DLEC1: variants seen among roughly 807,000 people sequenced by gnomAD.
The protein encoded by DLEC1 is deleted in lung and esophageal cancer protein 1.
A neutral mutation model predicts 198.1 loss-of-function variants in DLEC1; 146 were observed. The observed-to-expected ratio is 0.74, with a 90% CI of 0.64 to 0.85. DLEC1 has a LOEUF of 0.85. Among genes scored for constraint, DLEC1 ranks in the 40% least tolerant of loss-of-function variants. The pLI is 0.00. For synonymous variants in DLEC1, 897 were observed against 866.8 expected (o/e 1.03, Z -0.61); for missense variants, 2,233 against 2,220.0 (o/e 1.01, Z -0.12).
intron 6 of DLEC1, among the ~76,000 whole-genome samples, chr3:38,081,469 A>T (rs1575162956): frequency 1.4e-5 from 1 of 72,328 alleles, no homozygotes; most frequent in Non-Finnish European, 2.6e-5. Context: ...TCCCTCCCGG[A>T]CGGGGCGGCT....
chr3:38,117,524 C>G lies in DLEC1; in HGVS notation c.4401-3C>G. The G allele has an allele frequency of 6.2e-7, 1 of 1,614,182 alleles. No individual in the cohort carries two copies. The highest frequency in any genetic ancestry group is 8.5e-7 in the Non-Finnish European group (1 of 1,179,992). On this transcript the variant is annotated splice_region_variant and splice_polypyrimidine_tract_variant and intron_variant, in intron 31 of 36. Transcript: ENST00000308059. ...TGCCCCAACAATGCCTATTGCTGGG[C>G]AGGCTAAGTGTGGAGCTGGACTACG...
intron 7 of DLEC1, among the ~76,000 whole-genome samples, chr3:38,084,480 GTAGTAGT>G: frequency 7.3e-6 from 1 of 137,432 alleles, no homozygotes; most frequent in African/African-American, 2.9e-5. Flanking sequence ...GGTGGTGGTG[GTAGTAGT>G]GGTGGTAGTA....
chr3:38,088,469 C>A, intron 10 of DLEC1, 81 bp downstream of exon 10: 1 of 1,327,046 alleles, frequency 7.5e-7, no homozygotes, highest in Non-Finnish European at 1.1e-6. Flanking sequence ...CTCAAGTGTC[C>A]AGTCCCATCC....
chr3:38,060,918 C>T (rs1287030809), intron 3 of DLEC1, among the ~76,000 whole-genome samples: 1 of 152,124 alleles, frequency 6.6e-6, no homozygotes, highest in African/African-American at 2.4e-5. Context: ...CTCCTGACCT[C>T]AGGTGATCCA....
Position 38,117,241 on chromosome 3 carries a change from C to T in DLEC1, c.4339C>T (p.Leu1447=). 1.2e-6 allele frequency: 2 copies of T among 1,614,182 alleles called. No homozygotes were observed. Among genetic ancestry groups the T allele is most frequent in the African/African-American group, 2.7e-5 (2 of 75,058 alleles). ...EREIPGKRHR[L]QDFAVGPLKL... is the part of the protein sequence containing the mutation. ...GGAGATTCCAGGGAAGAGGCATCGC[C>T]TGCAGGACTTTGCGGTGGGACCCCT... The change falls in exon 31 of 37, where the codon CTG becomes TTG. Residue 1447 remains leucine (L), a synonymous_variant. Coordinates refer to ENST00000308059, the MANE Select transcript of DLEC1 (RefSeq NM_007335.4).
chr3:38,090,222 T>C (rs1056863430), intron 10 of DLEC1, among the ~76,000 whole-genome samples: 2 of 152,058 alleles, frequency 1.3e-5, no homozygotes, highest in African/African-American at 2.4e-5. Context: ...AAATAAAACA[T>C]TCAAAAGATG....
chr3:38,108,614 G>A, intron 21 of DLEC1, 99 bp downstream of exon 21: 2 of 893,606 alleles, frequency 2.2e-6, no homozygotes, highest in South Asian at 1.5e-5. Context: ...CCACATTGCT[G>A]GTTCTTGTGG....
intron 9 of DLEC1, among the ~76,000 whole-genome samples, chr3:38,086,830 T>G (rs1294290746): frequency 6.6e-6 from 1 of 152,134 alleles, no homozygotes; most frequent in African/African-American, 2.4e-5. Flanking sequence ...ATCCCAGCAC[T>G]TTGGGAGGCT....
At chr3:38,082,202 G>A (rs1043395284) in intron 6 of DLEC1, among the ~76,000 whole-genome samples, 1 of 143,930 alleles carries the variant, frequency 6.9e-6, no homozygotes, top group Non-Finnish European at 1.5e-5. Flanking sequence ...ACGATGGGCG[G>A]CCGGGCAGAG....
At chr3:38,068,746 GAGA>G (rs1236933900) in intron 6 of DLEC1, among the ~76,000 whole-genome samples, 31 of 152,214 alleles carry the variant, frequency 2.0e-4, no homozygotes, top group Non-Finnish European at 2.9e-5. Context: ...TAGGGTGGTG[GAGA>G]AGGATTGAAT....
At chr3:38,084,545 A>AGTGGTGGTG (rs1392040270) in intron 7 of DLEC1, among the ~76,000 whole-genome samples, 2 of 39,422 alleles carry the variant, frequency 5.1e-5, no homozygotes, top group African/African-American at 1.7e-4. Flanking sequence ...TGGTGGTAGT[A>AGTGGTGGTG]GTAGTGGTAG....
intron 12 of DLEC1, among the ~76,000 whole-genome samples, 190 bp from the exon 13 acceptor site, chr3:38,094,689 C>T (rs1394254932): frequency 6.6e-6 from 1 of 152,194 alleles, no homozygotes; most frequent in Non-Finnish European, 1.5e-5. Context: ...CTGTCTTAGA[C>T]TCCCTCGCCC....
intron 2 of DLEC1, among the ~76,000 whole-genome samples, chr3:38,053,092 C>T (rs1307228383): frequency 6.6e-6 from 1 of 152,258 alleles, no homozygotes; most frequent in African/African-American, 2.4e-5. Flanking sequence ...TCACTCAGTG[C>T]TCAATGTTGC....
chr3:38,097,713 G>T, intron 17 of DLEC1, 31 bp from the exon 18 acceptor site: 1 of 1,613,414 alleles, frequency 6.2e-7, no homozygotes, highest in Non-Finnish European at 8.5e-7. Flanking sequence ...ATCCCCAGGT[G>T]GCCCAGTGAC....
rs1559390443 is a variant in DLEC1 at position 38,045,594 on chromosome 3, CAT to C, written c.466_467del (p.Ile156HisfsTer12). The C allele has an allele frequency of 6.2e-7, 1 of 1,614,110 alleles. No homozygotes were observed. Among genetic ancestry groups the C allele is most frequent in the Non-Finnish European group, 8.5e-7 (1 of 1,180,002 alleles). On this transcript the variant is annotated frameshift_variant, in exon 2 of 37. Coordinates refer to ENST00000308059, the MANE Select transcript of DLEC1 (RefSeq NM_007335.4). LOFTEE classifies it high-confidence loss of function. The part of the protein sequence containing the change: ...RLDEFEMLER[H>X]ITQAQARAIA... ...GGATGAGTTTGAAATGTTGGAGAGA[CAT>C]ATCACTCAGGCCCAAGCACGGGCTA...
Position 38,117,006 on chromosome 3 carries a change from A to G in DLEC1, c.4211A>G (p.Tyr1404Cys). 6.2e-7 allele frequency: 1 copy of G among 1,613,984 alleles called. No homozygotes were observed. The highest frequency in any genetic ancestry group is 8.5e-7 in the Non-Finnish European group (1 of 1,179,954). Residue 1404 changes from tyrosine to cysteine, a missense_variant, in exon 30 of 37, where the codon TAC (tyrosine) becomes TGC (cysteine). Transcript: ENST00000308059. ...CCTGCTGGGGGCAGCAGTACCATCT[A>G]CATCTCCTTCACCCCTATGGTGCTC... Reference protein sequence around the residue: ...VVPAGGSSTIYISFTPMVLSP... With the variant: ...VVPAGGSSTICISFTPMVLSP...
intron 5 of DLEC1, among the ~76,000 whole-genome samples, 184 bp downstream of exon 5, chr3:38,062,985 G>A (rs1216190910): frequency 6.6e-6 from 1 of 152,140 alleles, no homozygotes; most frequent in African/African-American, 2.4e-5. Context: ...AGAGTCCTGG[G>A]TTTATGCTTT....
At chr3:38,111,615 G>A (rs1699881266) in intron 23 of DLEC1, 62 bp from the exon 24 acceptor site, 2 of 1,567,202 alleles carry the variant, frequency 1.3e-6, no homozygotes, top group Non-Finnish European at 1.7e-6. Context: ...TCTAGAACCT[G>A]GCTCAGGTCT....
intron 6 of DLEC1, among the ~76,000 whole-genome samples, chr3:38,082,409 G>T (rs1005208183): frequency 6.6e-6 from 1 of 151,558 alleles, no homozygotes; most frequent in Non-Finnish European, 1.5e-5. Flanking sequence ...CCGGGCAGAG[G>T]CTGCAATCTC....
Sources: allele counts gnomAD v4.1 joint callset (sites outside exome capture counted in the v4.1 genomes callset), GRCh38; gene constraint gnomAD v4.1.1; transcripts MANE v1.5; gene names NCBI Gene and HGNC (gene_info 2026-07-23, HGNC 2026-07-21).